SV2C: variants seen among roughly 807,000 people sequenced by gnomAD.
The protein encoded by SV2C is synaptic vesicle glycoprotein 2C.
A neutral mutation model predicts 79.7 loss-of-function variants in SV2C; 49 were observed. The ratio of observed to expected loss-of-function variants is 0.61; its 90% CI spans 0.49 to 0.78. SV2C has a LOEUF of 0.78. Ranked by LOEUF, SV2C falls within the 30% of genes least tolerant of loss-of-function variation. SV2C has a pLI of 0.00. For missense variants in SV2C, 833 were observed against 912.9 expected, an observed-to-expected ratio of 0.91 and a Z score of 1.13; for synonymous variants, 334 against 333.2, an observed-to-expected ratio of 1.00 and a Z score of -0.03.
At chr5:75,900,432 C>T in the SV2C span, among the ~76,000 whole-genome samples, 233 of 152,262 alleles carry the variant, frequency 1.5e-3, no homozygotes, top group Non-Finnish European at 2.2e-3. Flanking sequence ...CTGAGAGATC[C>T]GCTGTTAGTC....
chr5:76,203,653 A>C (rs1316824573), intron 3 of SV2C, among the ~76,000 whole-genome samples: 1 of 152,228 alleles, frequency 6.6e-6, no homozygotes, highest in African/African-American at 2.4e-5. Flanking sequence ...AACCAGGGCT[A>C]AGGGAGTTGA....
chr5:76,146,054 A>T (rs186706107), intron 2 of SV2C, among the ~76,000 whole-genome samples: 3 of 149,754 alleles, frequency 2.0e-5, no homozygotes, highest in Non-Finnish European at 4.5e-5. Context: ...ACTCCACATG[A>T]AAAGCAAGTG....
At chr5:75,886,704 C>T in the SV2C span, among the ~76,000 whole-genome samples, 1 of 152,068 alleles carries the variant, frequency 6.6e-6, no homozygotes, top group East Asian at 1.9e-4. Context: ...CAACTCAGAG[C>T]TCAATTAAAT....
intron 4 of SV2C, among the ~76,000 whole-genome samples, chr5:76,277,569 T>A (rs112081425): frequency 2.6e-5 from 4 of 151,448 alleles, no homozygotes; most frequent in Non-Finnish European, 4.4e-5. Context: ...AGCCCAGGAG[T>A]TCAAGACCAG....
the SV2C span, among the ~76,000 whole-genome samples, chr5:76,012,979 C>A: frequency 6.6e-6 from 1 of 152,098 alleles, no homozygotes; most frequent in African/African-American, 2.4e-5. Flanking sequence ...TGTTTTGGTA[C>A]CAGTACCATG....
intron 4 of SV2C, among the ~76,000 whole-genome samples, chr5:76,220,518 A>C (rs1376263758): frequency 6.6e-6 from 1 of 151,926 alleles, no homozygotes; most frequent in Non-Finnish European, 1.5e-5. Flanking sequence ...CTAAAAATAC[A>C]AAAATTAGCT....
intron 4 of SV2C, among the ~76,000 whole-genome samples, chr5:76,225,961 G>A (rs1345656689): frequency 2.0e-5 from 3 of 152,198 alleles, no homozygotes; most frequent in Non-Finnish European, 2.9e-5. Context: ...GTTGGACTGC[G>A]AAGAAATCTC....
At chr5:75,904,437 G>A in the SV2C span, among the ~76,000 whole-genome samples, 4 of 149,248 alleles carry the variant, frequency 2.7e-5, no homozygotes, top group Non-Finnish European at 5.9e-5. Flanking sequence ...AGAGGCTGTC[G>A]GTGGTCAGTG....
At position 76,167,940 on chromosome 5, in the gene SV2C, A is replaced by G. The variant is rs559070696; in HGVS notation, c.581-26979A>G. Among the ~76,000 whole-genome samples the G allele has an allele frequency of 1.4e-4, 21 of 152,340 alleles. No individual in the cohort carries two copies. In the South Asian group the frequency reaches 3.7e-3, roughly 27 times the overall value. On this transcript the variant is annotated intron_variant, in intron 2 of 12. Coordinates refer to ENST00000502798, the MANE Select transcript of SV2C (RefSeq NM_014979.4). ...GGGGCAGAGAAACAGCTTCTAATCT[A>G]GAGACAAAATTCATGGAATCCACAT...
intron 2 of SV2C, among the ~76,000 whole-genome samples, chr5:76,174,851 T>A (rs916996863): frequency 1.3e-5 from 2 of 152,226 alleles, no homozygotes; most frequent in Non-Finnish European, 2.9e-5. Flanking sequence ...ACGCTGATGC[T>A]GGAGGCAGGC....
chr5:76,202,015 C>CAAA lies in SV2C; in HGVS notation c.761+6935_761+6937dup, dbSNP rs373279209. 5.3e-3 allele frequency among the ~76,000 whole-genome samples: 435 copies of CAAA among 81,854 alleles called. 12 individuals carry two copies. The East Asian group carries it at 0.056, about 10-fold the overall frequency. The allele number at this position is 81,854 out of a possible 152,430, so 53.7% of individuals were successfully genotyped here. The stretch of plus-strand genomic sequence containing the variant: ...TGGGCGACAGAGCGAGACTCCATCT[C>CAAA]AAAAAAAAAAAAAAAAAAAAAGAAA... On this transcript the variant is annotated intron_variant, in intron 3 of 12. Transcript: ENST00000502798.
chr5:76,219,873 C>T (rs1271540079), intron 4 of SV2C, among the ~76,000 whole-genome samples: 3 of 152,224 alleles, frequency 2.0e-5, no homozygotes, highest in African/African-American at 7.2e-5. Flanking sequence ...CATTCAAGCT[C>T]ACCAGAAAAG....
the SV2C span, among the ~76,000 whole-genome samples, chr5:76,030,445 A>G: frequency 6.6e-6 from 1 of 151,958 alleles, no homozygotes; most frequent in Admixed American, 6.6e-5. Flanking sequence ...TCTAAAAGTA[A>G]CAGATCAAGG....
the SV2C span, among the ~76,000 whole-genome samples, chr5:75,875,072 C>G: frequency 6.6e-6 from 1 of 151,484 alleles, no homozygotes; most frequent in South Asian, 2.1e-4. Context: ...GCAACAACAA[C>G]AACACTATTT....
chr5:76,267,258 G>A (rs1166726035), intron 4 of SV2C, among the ~76,000 whole-genome samples: 1 of 151,934 alleles, frequency 6.6e-6, no homozygotes, highest in Admixed American at 6.6e-5. Flanking sequence ...TAGCTACAAG[G>A]GCAAAACTTT....
At chr5:76,202,015 CAAAAAAAAAAAA>C (rs373279209) in intron 3 of SV2C, among the ~76,000 whole-genome samples, 1 of 82,154 alleles carries the variant, frequency 1.2e-5, no homozygotes, top group African/African-American at 4.8e-5. Context: ...GACTCCATCT[CAAAAAAAAAAAA>C]AAAAAAAAAG....
chr5:76,310,602 T>C (rs748512413), intron 12 of SV2C, among the ~76,000 whole-genome samples: 8 of 152,156 alleles, frequency 5.3e-5, no homozygotes, highest in Non-Finnish European at 1.2e-4. Context: ...AACTGACTTA[T>C]GAAGTCCACA....
At chr5:76,188,218 G>A (rs1376190360) in intron 2 of SV2C, among the ~76,000 whole-genome samples, 2 of 152,152 alleles carry the variant, frequency 1.3e-5, no homozygotes, top group Non-Finnish European at 1.5e-5. Flanking sequence ...CTGAGATCAT[G>A]CCCCTGCACT....
At chr5:75,932,859 C>G in the SV2C span, among the ~76,000 whole-genome samples, 6 of 152,190 alleles carry the variant, frequency 3.9e-5, no homozygotes, top group African/African-American at 1.4e-4. Flanking sequence ...CCTGTTCCCC[C>G]CATTTCTCAC....
Sources: allele counts gnomAD v4.1 joint callset (sites outside exome capture counted in the v4.1 genomes callset), GRCh38; gene constraint gnomAD v4.1.1; transcripts MANE v1.5; gene names NCBI Gene and HGNC (gene_info 2026-07-23, HGNC 2026-07-21).